The following PTPN5 variants were observed in gnomAD, a reference collection of about 807,000 sequenced individuals.
The protein encoded by PTPN5 is tyrosine-protein phosphatase non-receptor type 5.
In PTPN5, 29 loss-of-function variants were observed where a neutral mutation model predicts 73.9. The observed-to-expected ratio is 0.39, with a 90% CI of 0.29 to 0.54. PTPN5 has a LOEUF of 0.54. PTPN5 is among the 20% of genes least tolerant of loss of function. PTPN5 has a pLI of 0.65. For missense variants in PTPN5, 652 were observed against 751.4 expected (o/e 0.87, Z 1.55); for synonymous variants, 267 against 304.7 (o/e 0.88, Z 1.29).
At chr11:18,772,774 G>A (rs2134324047) in intron 1 of PTPN5, among the ~76,000 whole-genome samples, 1 of 152,338 alleles carries the variant, frequency 6.6e-6, no homozygotes, top group East Asian at 1.9e-4. Flanking sequence ...CAGGCTACGT[G>A]TGGGACCCTG....
chr11:18,743,954 G>A lies in PTPN5; in HGVS notation c.291+52C>T, dbSNP rs564673440. 56 of 1,513,464 alleles carry A rather than the reference G, an allele frequency of 3.7e-5. 2 individuals are homozygous for A. In the South Asian group the frequency reaches 6.9e-4, roughly 19 times the overall value. 93.8% of individuals were successfully genotyped at this position (1,513,464 alleles called of 1,614,324 possible). ...ATCCTGGGGAGGAAGTGGGAGGCTG[G>A]CCCTCCACCCACCCTCTCTCCAGAC... is the stretch of plus-strand genomic sequence containing the variant. On this transcript the variant is annotated intron_variant, in intron 4 of 14. Coordinates refer to ENST00000358540, the MANE Select transcript of PTPN5 (RefSeq NM_006906.2).
chr11:18,746,162 A>AATATAAATATATATAT (rs1291741015), intron 3 of PTPN5, among the ~76,000 whole-genome samples: 2 of 67,670 alleles, frequency 3.0e-5, no homozygotes, highest in African/African-American at 4.4e-5. Flanking sequence ...TATAAATATA[A>AATATAAATATATATAT]ATATATATAT....
At chr11:18,778,970 TC>T (rs1180164587) in intron 1 of PTPN5, among the ~76,000 whole-genome samples, 1 of 152,158 alleles carries the variant, frequency 6.6e-6, no homozygotes, top group Non-Finnish European at 1.5e-5. Flanking sequence ...CATGCTGCTG[TC>T]CCTTGCTCCG....
chr11:18,788,752 T>C (rs142896089), intron 1 of PTPN5, among the ~76,000 whole-genome samples: 2 of 151,870 alleles, frequency 1.3e-5, no homozygotes, highest in African/African-American at 4.8e-5. Context: ...GAATCTGGAG[T>C]CAGATCATCT....
In PTPN5 at chr11:18,742,922, A is replaced by T; in HGVS notation, c.483+70T>A. On this transcript the variant is annotated intron_variant, in intron 6 of 14. Coordinates refer to ENST00000358540, the MANE Select transcript of PTPN5 (RefSeq NM_006906.2). The surrounding 1 kb of genome is among the most constrained non-coding windows in gnomAD (Gnocchi z 4.1). ...ATGTCCAGCCTATAAGTCAGATGGG[A>T]GCTGGTAGAAATCCAGGCCTCAAGG... 2.0e-6 allele frequency: 2 copies of T among 1,021,368 alleles called. No individual in the cohort carries two copies. The highest frequency in any genetic ancestry group is 3.0e-6 in the Non-Finnish European group (2 of 665,814). 63.3% of individuals were successfully genotyped at this position (1,021,368 alleles called of 1,614,324 possible). A position where few individuals can be genotyped will look rare whatever the true frequency, so the allele number is the denominator to read the frequency against.
intron 9 of PTPN5, among the ~76,000 whole-genome samples, chr11:18,736,955 C>T (rs953436483): frequency 8.5e-5 from 13 of 152,174 alleles, no homozygotes; most frequent in African/African-American, 2.9e-4. Context: ...ACCGGAACTA[C>T]CTAGAGACTG....
intron 1 of PTPN5, among the ~76,000 whole-genome samples, chr11:18,785,214 T>G (rs1444518326): frequency 6.6e-6 from 1 of 152,134 alleles, no homozygotes; most frequent in African/African-American, 2.4e-5. Context: ...TGCACCCCTC[T>G]TTAACCACCT....
chr11:18,787,037 C>A lies in PTPN5; in HGVS notation c.-114+4488G>T, dbSNP rs117054475. On this transcript the variant is annotated intron_variant, in intron 1 of 14. Coordinates refer to ENST00000358540, the MANE Select transcript of PTPN5 (RefSeq NM_006906.2). ...GTGCGGGGAGGAGGATGAAGAAAGA[C>A]CAAAAATGTTATTTTCATTGTTTTA... Among the ~76,000 whole-genome samples the A allele has an allele frequency of 9.0e-3, 1,363 of 152,214 alleles. 18 individuals are homozygous for A. The highest frequency in any genetic ancestry group is 0.023 in the South Asian group (109 of 4,824).
intron 1 of PTPN5, among the ~76,000 whole-genome samples, chr11:18,784,470 G>A (rs1042610475): frequency 3.3e-5 from 5 of 152,136 alleles, no homozygotes; most frequent in Non-Finnish European, 7.3e-5. Flanking sequence ...AAAGTAGAAC[G>A]GAGGTCACCA....
chr11:18,739,020 G>A (rs1849244897), intron 8 of PTPN5, among the ~76,000 whole-genome samples: 1 of 149,710 alleles, frequency 6.7e-6, no homozygotes, highest in Admixed American at 6.7e-5. Flanking sequence ...GTCTCCTCCT[G>A]ACATCTTCCG....
Position 18,733,179 on chromosome 11 carries a change from T to C in PTPN5, c.1218+56A>G, listed in dbSNP as rs899076124. ...CATAAAGATTAATTTGAGAACAAGA[T>C]ACTTAGTGTAGGGCGCAATGTAGCA... On this transcript the variant is annotated intron_variant, in intron 11 of 14. Transcript: ENST00000358540. The surrounding 1 kb of genome is among the most constrained non-coding windows in gnomAD (Gnocchi z 4.3). The C allele has an allele frequency of 2.5e-6, 4 of 1,578,794 alleles. No homozygotes were observed. Among genetic ancestry groups the C allele is most frequent in the Non-Finnish European group, 1.7e-6 (2 of 1,155,550 alleles).
At chr11:18,770,366 T>C (rs571547705) in intron 2 of PTPN5, among the ~76,000 whole-genome samples, 1 of 152,360 alleles carries the variant, frequency 6.6e-6, no homozygotes, top group South Asian at 2.1e-4. Flanking sequence ...TTGCCTATTC[T>C]GGATATTTCA....
At chr11:18,758,342 G>C (rs1368153207) in intron 3 of PTPN5, among the ~76,000 whole-genome samples, 3 of 152,170 alleles carry the variant, frequency 2.0e-5, no homozygotes, top group Non-Finnish European at 2.9e-5. Context: ...CTCCTTCTTG[G>C]TAATCACATA....
rs1338222533 is a variant in PTPN5, at chr11:18,740,662, G to A, written c.856C>T (p.Gln286Ter). The change falls in exon 8 of 15, where the codon CAA (glutamine) becomes TAA (stop). Residue 286 changes from glutamine to a stop codon, truncating the protein, a stop_gained. Transcript: ENST00000358540. LOFTEE classifies it high-confidence loss of function. The part of the protein sequence containing the change: ...EYLLSASRVL[Q>*]AEELHEKALD... The stretch of plus-strand genomic sequence containing the variant: ...GCCTTTTCATGAAGCTCTTCTGCTT[G>A]GAGGACACGGGAGGCGCTGAGCAGG... The A allele has an allele frequency of 6.2e-7, 1 of 1,603,670 alleles. No homozygotes were observed. The highest frequency in any genetic ancestry group is 1.7e-5 in the Admixed American group (1 of 58,480).
chr11:18,790,589 C>T (rs1352326991), intron 1 of PTPN5, among the ~76,000 whole-genome samples: 1 of 152,096 alleles, frequency 6.6e-6, no homozygotes, highest in East Asian at 1.9e-4. Context: ...AATTAAAGCC[C>T]CCTCTCCCCT....
intron 9 of PTPN5, among the ~76,000 whole-genome samples, chr11:18,734,920 C>T (rs1257891820): frequency 2.0e-5 from 3 of 152,220 alleles, no homozygotes; most frequent in Non-Finnish European, 1.5e-5. Flanking sequence ...AGAGTCTACA[C>T]CGCTGAGCCA....
chr11:18,743,330 C>G lies in PTPN5; in HGVS notation c.391G>C (p.Glu131Gln), dbSNP rs763479607. ...CCCCAAAGCTTACTTACCGTGGGTT[C>G]CAGCTGTTTCAGGAGCGTCAGCAAA... ...SSLLTLLKQLEPTAWLDSGTW... is the reference protein window; with the variant it reads ...SSLLTLLKQLQPTAWLDSGTW... The change falls in exon 5 of 15, where the codon GAA (glutamate) becomes CAA (glutamine). Residue 131 changes from glutamate to glutamine, a missense_variant. Physicochemically the swap from Glu to Gln is conservative, Grantham distance 29. Coordinates refer to ENST00000358540, the MANE Select transcript of PTPN5 (RefSeq NM_006906.2). 1 of 1,614,108 alleles carries G rather than the reference C, an allele frequency of 6.2e-7. No homozygotes were observed. The highest frequency in any genetic ancestry group is 8.5e-7 in the Non-Finnish European group (1 of 1,179,982).
intron 3 of PTPN5, among the ~76,000 whole-genome samples, chr11:18,751,921 G>A (rs1397091021): frequency 6.6e-6 from 1 of 152,192 alleles, no homozygotes; most frequent in East Asian, 1.9e-4. Flanking sequence ...TTATACGACT[G>A]TAAGGCTAGG....
chr11:18,785,364 C>T (rs1340754248), intron 1 of PTPN5, among the ~76,000 whole-genome samples: 1 of 152,082 alleles, frequency 6.6e-6, no homozygotes, highest in African/African-American at 2.4e-5. Context: ...GGTCAGCCAA[C>T]CAAGTATAAA....
Sources: gnomAD v4.1 joint callset for allele counts (sites outside exome capture counted in the v4.1 genomes callset) on GRCh38, gnomAD v4.1.1 for gene constraint, Gnocchi (gnomAD v3.1) non-coding constraint, MANE v1.5 for transcripts, NCBI Gene and HGNC (gene_info 2026-07-23, HGNC 2026-07-21) for gene names.